Variants in NMNAT2 observed in about 807,000 individuals in gnomAD.
NMNAT2 encodes nicotinamide nucleotide adenylyltransferase 2.
In NMNAT2, 11 loss-of-function variants were observed where a neutral mutation model predicts 41.6. The ratio of observed to expected loss-of-function variants is 0.26; its 90% CI spans 0.17 to 0.44. NMNAT2 has a LOEUF of 0.44. NMNAT2 is among the 20% of genes least tolerant of loss of function. The pLI is 1.00. For synonymous variants in NMNAT2, 148 were observed against 151.2 expected, an observed-to-expected ratio of 0.98 and a Z score of 0.16; for missense variants, 288 against 407.7, an observed-to-expected ratio of 0.71 and a Z score of 2.53.
intron 1 of NMNAT2, among the ~76,000 whole-genome samples, chr1:183,373,653 T>C (rs1476021700): frequency 6.6e-6 from 1 of 151,492 alleles, no homozygotes; most frequent in Non-Finnish European, 1.5e-5. Context: ...AGTCTCACTC[T>C]GTTGCCCAGG....
At chr1:183,341,765 A>G (rs1032579239) in intron 1 of NMNAT2, among the ~76,000 whole-genome samples, 1 of 144,390 alleles carries the variant, frequency 6.9e-6, no homozygotes, top group African/African-American at 2.6e-5. Flanking sequence ...CCTTCACTCC[A>G]GGTTACTTTC....
chr1:183,315,833 G>A (rs1235326749), intron 1 of NMNAT2, among the ~76,000 whole-genome samples: 1 of 150,500 alleles, frequency 6.6e-6, no homozygotes, highest in Non-Finnish European at 1.5e-5. Flanking sequence ...GTTGATGGGT[G>A]CAGCAAACCA....
Position 183,254,789 on chromosome 1 carries a change from G to C in NMNAT2, c.822-2046C>G, listed in dbSNP as rs557144031. ...ATGTTTTCTTGCTATTTTGAGTTGTGTAAGTTCTTTATAAATCTTGGATAT... is the reference window on the plus strand; with the variant it reads ...ATGTTTTCTTGCTATTTTGAGTTGTCTAAGTTCTTTATAAATCTTGGATAT... On this transcript the variant is annotated intron_variant, in intron 10 of 10. Coordinates refer to ENST00000287713, the MANE Select transcript of NMNAT2 (RefSeq NM_015039.4). 8.0e-4 allele frequency among the ~76,000 whole-genome samples: 122 copies of C among 152,292 alleles called. 1 individual carries two copies. The South Asian group carries it at 0.01, about 13-fold the overall frequency.
At chr1:183,300,670 T>C (rs1044096681) in intron 1 of NMNAT2, among the ~76,000 whole-genome samples, 2 of 152,234 alleles carry the variant, frequency 1.3e-5, no homozygotes, top group East Asian at 3.8e-4. Context: ...TTCCTGCAAA[T>C]CTATAGTTAT....
At chr1:183,333,740 C>T (rs953405307) in intron 1 of NMNAT2, among the ~76,000 whole-genome samples, 4 of 143,780 alleles carry the variant, frequency 2.8e-5, no homozygotes, top group African/African-American at 5.5e-5. Flanking sequence ...ACTTTCTAAG[C>T]AGCTTGACTT....
At chr1:183,389,791 A>G (rs990538780) in intron 1 of NMNAT2, among the ~76,000 whole-genome samples, 11 of 76,404 alleles carry the variant, frequency 1.4e-4, no homozygotes, top group Middle Eastern at 5.9e-3. Flanking sequence ...AAAGAAAGAA[A>G]GAAAGAAAGA....
chr1:183,262,831 G>A (rs528905808), intron 8 of NMNAT2, among the ~76,000 whole-genome samples: 40 of 152,282 alleles, frequency 2.6e-4, no homozygotes, highest in South Asian at 1.0e-3. Context: ...TGCCAATTAC[G>A]GATCCCAGAT....
chr1:183,344,098 G>A (rs1662875041), intron 1 of NMNAT2, among the ~76,000 whole-genome samples: 1 of 152,122 alleles, frequency 6.6e-6, no homozygotes. Flanking sequence ...GTTAAATGCT[G>A]AGAAGCTTTC....
intron 7 of NMNAT2, 172 bp downstream of exon 7, chr1:183,283,822 AG>A (rs1558116181): frequency 1.5e-6 from 1 of 685,914 alleles, no homozygotes; most frequent in Admixed American, 2.1e-5. Context: ...GAGATGTTAA[AG>A]GGAGCTAACT....
intron 1 of NMNAT2, among the ~76,000 whole-genome samples, chr1:183,392,240 T>G (rs1648504305): frequency 2.0e-5 from 3 of 152,142 alleles, no homozygotes; most frequent in Admixed American, 2.0e-4. Flanking sequence ...AAATGGAAAC[T>G]CCATTCTTCC....
At chr1:183,281,997 C>T (rs1218964981) in intron 7 of NMNAT2, among the ~76,000 whole-genome samples, 1 of 152,240 alleles carries the variant, frequency 6.6e-6, no homozygotes, top group Non-Finnish European at 1.5e-5. Flanking sequence ...CACTCCCCTC[C>T]CAGGAATCCG....
At chr1:183,407,038 C>T (rs1033667065) in intron 1 of NMNAT2, among the ~76,000 whole-genome samples, 1 of 152,060 alleles carries the variant, frequency 6.6e-6, no homozygotes, top group Non-Finnish European at 1.5e-5. Flanking sequence ...AGGTTGATCT[C>T]GAACTCCTGA....
intron 1 of NMNAT2, among the ~76,000 whole-genome samples, chr1:183,350,867 A>G (rs142986925): frequency 6.6e-6 from 1 of 152,360 alleles, no homozygotes; most frequent in East Asian, 1.9e-4. Context: ...CTAAGATCAC[A>G]AAGTTATTGA....
chr1:183,285,367 T>G (rs1661375685), intron 5 of NMNAT2, among the ~76,000 whole-genome samples: 1 of 152,206 alleles, frequency 6.6e-6, no homozygotes, highest in African/African-American at 2.4e-5. Flanking sequence ...GCAAAGTACA[T>G]GCTTGGAACC....
At chr1:183,406,824 T>C in intron 1 of NMNAT2, among the ~76,000 whole-genome samples, 1 of 146,098 alleles carries the variant, frequency 6.8e-6, no homozygotes, top group Non-Finnish European at 1.5e-5. Flanking sequence ...TTTTTTTTTT[T>C]TTTTTTTTTT....
chr1:183,341,957 T>C (rs1439699758), intron 1 of NMNAT2, among the ~76,000 whole-genome samples: 2 of 151,796 alleles, frequency 1.3e-5, no homozygotes, highest in Non-Finnish European at 2.9e-5. Context: ...CACCTATGAA[T>C]TGAGGGGGAA....
intron 1 of NMNAT2, among the ~76,000 whole-genome samples, chr1:183,391,885 C>T (rs541016066): frequency 6.6e-6 from 1 of 152,294 alleles, no homozygotes; most frequent in African/African-American, 2.4e-5. Context: ...TGATTTTCCT[C>T]TGTCTCCCTG....
intron 1 of NMNAT2, among the ~76,000 whole-genome samples, chr1:183,381,382 C>T: frequency 6.6e-6 from 1 of 152,146 alleles, no homozygotes; most frequent in East Asian, 1.9e-4. Context: ...ATAATGGGTA[C>T]TATTTTACCT....
chr1:183,282,203 C>T (rs532091174), intron 7 of NMNAT2, among the ~76,000 whole-genome samples: 3 of 152,330 alleles, frequency 2.0e-5, no homozygotes, highest in Non-Finnish European at 2.9e-5. Flanking sequence ...TCCCTCTCAG[C>T]GAGCACAGGG....
Sources: allele counts gnomAD v4.1 joint callset (sites outside exome capture counted in the v4.1 genomes callset), GRCh38; gene constraint gnomAD v4.1.1; transcripts MANE v1.5; gene names NCBI Gene and HGNC (gene_info 2026-07-23, HGNC 2026-07-21).